MYT1: variants seen among roughly 807,000 people sequenced by gnomAD.
MYT1 encodes the protein myelin transcription factor 1, also known as myelin transcription factor I.
MYT1 carries 23 observed loss-of-function variants against 123.0 expected under a neutral mutation model. The ratio of observed to expected loss-of-function variants is 0.19; its 90% CI spans 0.13 to 0.26. The LOEUF (loss-of-function observed/expected upper bound fraction) is 0.26, where lower values mean the gene tolerates loss of function less well. MYT1 is among the 10% of genes least tolerant of loss of function. The pLI, the probability that MYT1 is intolerant of heterozygous loss-of-function variation, is 1.00. For missense variants in MYT1, 1,125 were observed against 1,472.5 expected (o/e 0.76, Z 3.86); for synonymous variants, 518 against 575.3 (o/e 0.90, Z 1.43).
rs1984718205 is a variant in MYT1 at position 64,241,581 on chromosome 20, A to G, written c.*1133A>G. 1 of 152,628 alleles carries G rather than the reference A, an allele frequency of 6.6e-6. No individual in the cohort carries two copies. The highest frequency in any genetic ancestry group is 2.1e-4 in the South Asian group (1 of 4,836). 9.5% of individuals were successfully genotyped at this position (152,628 alleles called of 1,614,324 possible). A position where few individuals can be genotyped will look rare whatever the true frequency, so the allele number is the denominator to read the frequency against. On this transcript the variant is annotated 3_prime_UTR_variant, in exon 23 of 23. Coordinates refer to ENST00000328439, the MANE Select transcript of MYT1 (RefSeq NM_004535.3). This position sits in a 1 kb window ranked among gnomAD's most constrained non-coding sequence, Gnocchi z 4.2. ...TAATTTTGTCAAGATGTAAGTATTT[A>G]TATTCACAGCCTCTTATGTTAACGT...
intron 7 of MYT1, among the ~76,000 whole-genome samples, chr20:64,209,155 G>A (rs1316590976): frequency 6.6e-6 from 1 of 152,232 alleles, no homozygotes; most frequent in Non-Finnish European, 1.5e-5. Flanking sequence ...TGGTTGGGGA[G>A]CAGCTGGGAG....
chr20:64,198,505 CTCTTGGATAACA>C (rs1983197232), intron 2 of MYT1, among the ~76,000 whole-genome samples: 1 of 152,152 alleles, frequency 6.6e-6, no homozygotes, highest in Non-Finnish European at 1.5e-5. Flanking sequence ...CCAGGAGACC[CTCTTGGATAACA>C]TACGGACATT....
chr20:64,198,943 G>A, intron 3 of MYT1, 27 bp downstream of exon 3: 1 of 1,612,212 alleles, frequency 6.2e-7, no homozygotes, highest in Non-Finnish European at 8.5e-7. Context: ...CCTCCTCCAG[G>A]GCTGTAAATG....
chr20:64,223,182 C>T lies in MYT1; in HGVS notation c.2459+9C>T. 6.2e-7 allele frequency: 1 copy of T among 1,614,214 alleles called. No homozygotes were observed. Among genetic ancestry groups the T allele is most frequent in the South Asian group, 1.1e-5 (1 of 91,082 alleles). On this transcript the variant is annotated intron_variant, in intron 15 of 22. Coordinates refer to ENST00000328439, the MANE Select transcript of MYT1 (RefSeq NM_004535.3). ...TACGCCTCCCACCGCAGGTTTGTCT[C>T]CTGCTCGGGTCCGTCTGGCCTGGGT...
At chr20:64,201,754 G>A (rs1175186438) in intron 4 of MYT1, among the ~76,000 whole-genome samples, 1 of 152,204 alleles carries the variant, frequency 6.6e-6, no homozygotes, top group African/African-American at 2.4e-5. Flanking sequence ...GTCCTGGTGG[G>A]GGCCACACCG....
Position 64,218,101 on chromosome 20 carries a change from G to A in MYT1, c.1847-810G>A, listed in dbSNP as rs751090489. Among the ~76,000 whole-genome samples, 18 of 152,196 alleles carry A rather than the reference G, an allele frequency of 1.2e-4. No homozygotes were observed. Among genetic ancestry groups the A allele is most frequent in the Non-Finnish European group, 1.9e-4 (13 of 68,040 alleles). On this transcript the variant is annotated intron_variant, in intron 11 of 22. Transcript: ENST00000328439. This position sits in a 1 kb window ranked among gnomAD's most constrained non-coding sequence, Gnocchi z 4.0. ...TGATGCGGCTGCCAGTGGGGTGTGA[G>A]CCTCTCTTCCTAACTTTGACAGAAC... is the stretch of plus-strand genomic sequence containing the variant.
chr20:64,199,738 G>A (rs540512479), intron 3 of MYT1, among the ~76,000 whole-genome samples, 154 bp from the exon 4 acceptor site: 2 of 152,150 alleles, frequency 1.3e-5, no homozygotes, highest in Non-Finnish European at 2.9e-5. Context: ...GAAAGGGTGA[G>A]CGCCCTGGGG....
Position 64,185,721 on chromosome 20 carries a change from G to A in MYT1, c.-98-4342G>A, listed in dbSNP as rs1279527828. ...TGAAAACAGCCACGGTCGCCCGCAG[G>A]GGGTCCCCCATGGGGTTGTGCGTGG... On this transcript the variant is annotated intron_variant, in intron 1 of 22. Coordinates refer to ENST00000328439, the MANE Select transcript of MYT1 (RefSeq NM_004535.3). The surrounding 1 kb of genome is among the most constrained non-coding windows in gnomAD (Gnocchi z 4.5). Among the ~76,000 whole-genome samples, 1 of 152,196 alleles carries A rather than the reference G, an allele frequency of 6.6e-6. No homozygotes were observed. The highest frequency in any genetic ancestry group is 1.5e-5 in the Non-Finnish European group (1 of 68,018).
At position 64,217,133 on chromosome 20, in the gene MYT1, C is replaced by T. The variant is rs1337309163; in HGVS notation, c.1698C>T (p.Pro566=). 8.7e-6 allele frequency: 14 copies of T among 1,614,196 alleles called. No individual in the cohort carries two copies. Among genetic ancestry groups the T allele is most frequent in the South Asian group, 3.3e-5 (3 of 91,088 alleles). Reference sequence around the variant, plus strand: ...GGAGCTACCGGCCCAACGTGGCCCCCGCCACACCCAGGGCCAACTTGGCCA... The same window carrying T: ...GGAGCTACCGGCCCAACGTGGCCCCTGCCACACCCAGGGCCAACTTGGCCA... The part of the protein sequence containing the change: ...PYGSYRPNVA[P]ATPRANLAKE... Residue 566 remains proline, a synonymous_variant, in exon 11 of 23, where the codon CCC becomes CCT. Transcript: ENST00000328439.
chr20:64,211,978 T>C (rs532440218), intron 8 of MYT1, 70 bp from the exon 9 acceptor site: 23 of 1,327,088 alleles, frequency 1.7e-5, no homozygotes, highest in South Asian at 1.7e-4. Flanking sequence ...CAGCCTGTGC[T>C]CCCCACACAG....
chr20:64,229,426 G>A (rs942137575), intron 18 of MYT1, among the ~76,000 whole-genome samples: 1 of 152,136 alleles, frequency 6.6e-6, no homozygotes, highest in Non-Finnish European at 1.5e-5. Context: ...CCTTTCTAAT[G>A]TGCTGTCAAC....
At chr20:64,235,690 G>A in intron 19 of MYT1, among the ~76,000 whole-genome samples, 1 of 139,750 alleles carries the variant, frequency 7.2e-6, no homozygotes, top group Non-Finnish European at 1.5e-5. Context: ...TGGGCTGGTG[G>A]TGGTGGGTGA....
intron 7 of MYT1, 42 bp from the exon 8 acceptor site, chr20:64,211,164 C>T (rs1476040149): frequency 4.4e-6 from 7 of 1,588,690 alleles, no homozygotes; most frequent in Middle Eastern, 1.7e-4. Flanking sequence ...CTGCTCACCA[C>T]CCAGCTTCCT....
Position 64,218,866 on chromosome 20 carries a change from G to A in MYT1, c.1847-45G>A. On this transcript the variant is annotated intron_variant, in intron 11 of 22. Coordinates refer to ENST00000328439, the MANE Select transcript of MYT1 (RefSeq NM_004535.3). The surrounding 1 kb of genome is among the most constrained non-coding windows in gnomAD (Gnocchi z 4.0). ...CCAAAGGCCTCTTCCCCCAGGCACA[G>A]CCCCTCCAGTAGTTATGTGAGGAGC... The A allele has an allele frequency of 6.2e-7, 1 of 1,612,074 alleles. No homozygotes were observed. Among genetic ancestry groups the A allele is most frequent in the Middle Eastern group, 1.6e-4 (1 of 6,062 alleles).
rs116962968 is a variant in MYT1, at chr20:64,164,693, T to C, written c.-145T>C. Reference sequence around the variant, plus strand: ...CCCCATGTAAATTTCATGATTGCTTTCCGTGATGTCATTTTGAAAGAGGAC... The same window carrying C: ...CCCCATGTAAATTTCATGATTGCTTCCCGTGATGTCATTTTGAAAGAGGAC... On this transcript the variant is annotated 5_prime_UTR_variant, in exon 1 of 23. Transcript: ENST00000328439. 229 of 152,206 alleles carry C rather than the reference T, an allele frequency of 1.5e-3. 2 individuals are homozygous for C. The East Asian group carries it at 0.021, about 14-fold the overall frequency. 9.4% of individuals were successfully genotyped at this position (152,206 alleles called of 1,614,324 possible).
At chr20:64,165,760 T>C (rs1424381412) in intron 1 of MYT1, among the ~76,000 whole-genome samples, 1 of 152,072 alleles carries the variant, frequency 6.6e-6, no homozygotes, top group Admixed American at 6.5e-5. Flanking sequence ...TCTGTCACGA[T>C]GATGATAATG....
At chr20:64,219,562 T>A in intron 12 of MYT1, 151 bp from the exon 13 acceptor site, 1 of 689,172 alleles carries the variant, frequency 1.5e-6, no homozygotes, top group Non-Finnish European at 2.4e-6. Context: ...GCAGCTGGAT[T>A]TTTTCCCTCT....
In MYT1 at chr20:64,239,870, C is replaced by T. The variant is rs562780298; in HGVS notation, c.3204C>T (p.Ile1068=). Reference sequence around the variant, plus strand: ...TGTCCGGCCTGAGCCAGGCCCTCATCCAAAGTCTCGCCAATATCCGCCTTC... The same window carrying T: ...TGTCCGGCCTGAGCCAGGCCCTCATTCAAAGTCTCGCCAATATCCGCCTTC... ...LELSGLSQAL[I]QSLANIRLPH... is the part of the protein sequence containing the mutation. The change falls in exon 22 of 23, where the codon ATC becomes ATT. Residue 1068 remains isoleucine (I), a synonymous_variant. Transcript: ENST00000328439. 19 of 1,613,662 alleles carry T rather than the reference C, an allele frequency of 1.2e-5. No homozygotes were observed. Among genetic ancestry groups the T allele is most frequent in the South Asian group, 7.7e-5 (7 of 91,088 alleles).
At chr20:64,230,579 C>T (rs1419556437) in intron 18 of MYT1, among the ~76,000 whole-genome samples, 1 of 152,202 alleles carries the variant, frequency 6.6e-6, no homozygotes, top group Non-Finnish European at 1.5e-5. Context: ...GAAGAGCCAG[C>T]CACCCCCCAT....
Sources: allele counts gnomAD v4.1 joint callset (sites outside exome capture counted in the v4.1 genomes callset), GRCh38; gene constraint gnomAD v4.1.1; non-coding constraint Gnocchi (gnomAD v3.1); transcripts MANE v1.5; gene names NCBI Gene and HGNC (gene_info 2026-07-23, HGNC 2026-07-21).